Variants in PTPRK observed in about 807,000 individuals in gnomAD.
The protein encoded by PTPRK is protein tyrosine phosphatase receptor type K, also known as receptor-type tyrosine-protein phosphatase kappa.
PTPRK carries 75 observed loss-of-function variants against 178.0 expected under a neutral mutation model. That is an observed-to-expected ratio of 0.42 (90% confidence interval 0.35 to 0.51). PTPRK has a LOEUF of 0.51. Among genes scored for constraint, PTPRK ranks in the 20% least tolerant of loss-of-function variants. PTPRK has a pLI of 0.02. For synonymous variants in PTPRK, 637 were observed against 620.6 expected, an observed-to-expected ratio of 1.03 and a Z score of -0.39; for missense variants, 1,441 against 1,797.8, an observed-to-expected ratio of 0.80 and a Z score of 3.59.
chr6:128,329,687 T>C (rs996977267), intron 2 of PTPRK, among the ~76,000 whole-genome samples: 1 of 151,994 alleles, frequency 6.6e-6, no homozygotes, highest in African/African-American at 2.4e-5. Context: ...TTCATCTCAG[T>C]ACTTCAAGCG....
chr6:128,380,079 G>A (rs1407409384), intron 2 of PTPRK, among the ~76,000 whole-genome samples: 1 of 152,170 alleles, frequency 6.6e-6, no homozygotes, highest in Non-Finnish European at 1.5e-5. Flanking sequence ...GCTCAGCCTG[G>A]ATGTAAACCC....
intron 2 of PTPRK, among the ~76,000 whole-genome samples, chr6:128,326,079 A>G (rs1017352818): frequency 5.3e-5 from 8 of 152,284 alleles, no homozygotes; most frequent in African/African-American, 9.6e-5. Context: ...ACAGAAAACC[A>G]AACACCACAT....
At chr6:128,416,283 C>T (rs1178421756) in intron 1 of PTPRK, among the ~76,000 whole-genome samples, 2 of 151,904 alleles carry the variant, frequency 1.3e-5, no homozygotes, top group South Asian at 2.1e-4. Context: ...GCATGATTAA[C>T]GATTAATGCA....
intron 1 of PTPRK, among the ~76,000 whole-genome samples, chr6:128,514,332 C>A (rs1198691791): frequency 6.6e-6 from 1 of 151,624 alleles, no homozygotes; most frequent in African/African-American, 2.4e-5. Flanking sequence ...TTCTTTCTAA[C>A]CTAAATGTTT....
chr6:127,992,993 T>C (rs1027898651), intron 18 of PTPRK, among the ~76,000 whole-genome samples: 11 of 151,848 alleles, frequency 7.2e-5, no homozygotes, highest in Non-Finnish European at 1.3e-4. Flanking sequence ...TTCACTAAAA[T>C]GTTTATGCCT....
At chr6:128,018,990 A>G (rs916038749) in intron 13 of PTPRK, among the ~76,000 whole-genome samples, 1 of 152,132 alleles carries the variant, frequency 6.6e-6, no homozygotes, top group Non-Finnish European at 1.5e-5. Flanking sequence ...TAAGTACTCA[A>G]ATGACTGTAC....
intron 7 of PTPRK, among the ~76,000 whole-genome samples, chr6:128,101,651 A>AG (rs1788801837): frequency 6.6e-6 from 1 of 152,108 alleles, no homozygotes; most frequent in Admixed American, 6.5e-5. Context: ...TAATTGTTAG[A>AG]GATTTCCTAG....
rs777357777 is a variant in PTPRK at position 128,266,888 on chromosome 6, C to T, written c.496-24286G>A. On this transcript the variant is annotated intron_variant, in intron 3 of 29. Transcript: ENST00000368226. ...AGTGGGATGTGAAGGAGGAATATAG[C>T]AAAGAGTAATTTCTGAAAAACAAAA... 3.9e-4 allele frequency among the ~76,000 whole-genome samples: 59 copies of T among 152,108 alleles called. 1 individual carries two copies. The highest frequency in any genetic ancestry group is 7.7e-4 in the Non-Finnish European group (52 of 67,962).
intron 1 of PTPRK, among the ~76,000 whole-genome samples, chr6:128,496,703 A>G (rs1471831567): frequency 6.6e-6 from 1 of 152,196 alleles, no homozygotes; most frequent in Non-Finnish European, 1.5e-5. Flanking sequence ...TGTAAGATTT[A>G]TTATCTTCTA....
At chr6:128,390,887 C>T (rs1839454643) in intron 2 of PTPRK, among the ~76,000 whole-genome samples, 1 of 152,096 alleles carries the variant, frequency 6.6e-6, no homozygotes, top group Non-Finnish European at 1.5e-5. Flanking sequence ...TAAGTACTTT[C>T]ATCTCAGAGA....
chr6:127,998,677 A>G, intron 16 of PTPRK, 43 bp downstream of exon 16: 1 of 1,475,512 alleles, frequency 6.8e-7, no homozygotes, highest in African/African-American at 1.4e-5. Context: ...ACTGAGTATC[A>G]TAGTTAAAAA....
chr6:128,444,052 C>T (rs1438722461), intron 1 of PTPRK, among the ~76,000 whole-genome samples: 6 of 152,086 alleles, frequency 3.9e-5, no homozygotes, highest in Admixed American at 3.9e-4. Context: ...AGGGTTTCAC[C>T]ATGTTGGCCA....
rs1177407827 is a variant in PTPRK at position 127,970,095 on chromosome 6, T to C, written c.*132A>G. The C allele has an allele frequency of 8.5e-6, 5 of 588,986 alleles. No homozygotes were observed. The highest frequency in any genetic ancestry group is 1.4e-5 in the Non-Finnish European group (5 of 346,156). The allele number at this position is 588,986 out of a possible 1,614,324, so 36.5% of individuals were successfully genotyped here. A position where few individuals can be genotyped will look rare whatever the true frequency, so the allele number is the denominator to read the frequency against. On this transcript the variant is annotated 3_prime_UTR_variant, in exon 30 of 30. Coordinates refer to ENST00000368226, the MANE Select transcript of PTPRK (RefSeq NM_002844.4). ...CACAACTTCATAAAAAAAATACTTT[T>C]ACCTCTCAAATGTAAAAGTCTCCCA...
In PTPRK at chr6:128,306,543, C is replaced by T. The variant is rs192279188; in HGVS notation, c.495+15496G>A. ...AGGTATGGTGGCTCATGCATGTAAC[C>T]CCAACATTTCAGGAGGTTGAAGCCA... On this transcript the variant is annotated intron_variant, in intron 3 of 29. Coordinates refer to ENST00000368226, the MANE Select transcript of PTPRK (RefSeq NM_002844.4). Among the ~76,000 whole-genome samples the T allele has an allele frequency of 1.3e-3, 194 of 152,136 alleles. 1 individual carries two copies. The highest frequency in any genetic ancestry group is 4.3e-3 in the African/African-American group (178 of 41,478).
intron 1 of PTPRK, among the ~76,000 whole-genome samples, chr6:128,507,110 C>G (rs1244683997): frequency 6.6e-6 from 1 of 151,952 alleles, no homozygotes; most frequent in Non-Finnish European, 1.5e-5. Context: ...ATGTATATTC[C>G]CACTCAAGCA....
chr6:128,209,481 G>A (rs1011642441), intron 6 of PTPRK, among the ~76,000 whole-genome samples: 7 of 152,172 alleles, frequency 4.6e-5, no homozygotes, highest in Admixed American at 1.3e-4. Context: ...TCAAGAGTCC[G>A]ATGGAACTTC....
At chr6:128,029,691 C>T (rs1210704145) in intron 13 of PTPRK, among the ~76,000 whole-genome samples, 2 of 145,104 alleles carry the variant, frequency 1.4e-5, no homozygotes, top group Admixed American at 1.4e-4. Context: ...AATAATAATC[C>T]AGCCTCACAT....
intron 6 of PTPRK, among the ~76,000 whole-genome samples, chr6:128,192,658 A>T (rs9388618): frequency 0.072 from 10,856 of 151,786 alleles, 811 homozygotes; most frequent in East Asian, 0.34. Flanking sequence ...CATCTCCACA[A>T]AAAATACAGA....
chr6:128,291,988 T>G (rs1339196), intron 3 of PTPRK, among the ~76,000 whole-genome samples: 8,491 of 152,142 alleles, frequency 0.056, 296 homozygotes, highest in Non-Finnish European at 0.07. Context: ...TAATGCAATA[T>G]ATCATGAAAG....
Sources: gnomAD v4.1 joint callset for allele counts (sites outside exome capture counted in the v4.1 genomes callset) on GRCh38, gnomAD v4.1.1 for gene constraint, MANE v1.5 for transcripts, NCBI Gene and HGNC (gene_info 2026-07-23, HGNC 2026-07-21) for gene names.